GABRB1: variants seen among roughly 807,000 people sequenced by gnomAD.
GABRB1 encodes gamma-aminobutyric acid type A receptor subunit beta1.
GABRB1 carries 17 observed loss-of-function variants against 51.6 expected under a neutral mutation model. That is an observed-to-expected ratio of 0.33 (90% CI 0.23 to 0.49). The LOEUF is 0.49. GABRB1 is among the 20% of genes least tolerant of loss of function. The probability of loss-of-function intolerance (pLI) is 0.99; values close to 1 mark genes in which losing one functional copy is unlikely to be tolerated. For synonymous variants in GABRB1, 247 were observed against 218.9 expected (o/e 1.13, Z -1.14); for missense variants, 410 against 600.6 (o/e 0.68, Z 3.32).
intron 4 of GABRB1, among the ~76,000 whole-genome samples, chr4:47,190,109 A>AT (rs1227232200): frequency 6.6e-6 from 1 of 152,112 alleles, no homozygotes; most frequent in African/African-American, 2.4e-5. Context: ...TTGAATTCCT[A>AT]TTTTATCTGA....
At chr4:47,211,489 T>C (rs1469060023) in intron 4 of GABRB1, among the ~76,000 whole-genome samples, 1 of 152,172 alleles carries the variant, frequency 6.6e-6, no homozygotes, top group Non-Finnish European at 1.5e-5. Flanking sequence ...AACTAGGTAA[T>C]TGAGGACAGT....
intron 4 of GABRB1, among the ~76,000 whole-genome samples, chr4:47,312,601 A>C (rs1387052116): frequency 1.3e-5 from 2 of 152,304 alleles, no homozygotes; most frequent in East Asian, 3.9e-4. Context: ...ACTCACTCTC[A>C]ATTTCACCAA....
intron 8 of GABRB1, among the ~76,000 whole-genome samples, chr4:47,416,432 A>G (rs1276459041): frequency 6.6e-6 from 1 of 152,102 alleles, no homozygotes; most frequent in African/African-American, 2.4e-5. Context: ...CAGAAGATAT[A>G]AATAGACATC....
At chr4:47,115,531 T>C (rs1426031584) in intron 3 of GABRB1, among the ~76,000 whole-genome samples, 1 of 152,072 alleles carries the variant, frequency 6.6e-6, no homozygotes, top group Non-Finnish European at 1.5e-5. Context: ...ATTACTGTTG[T>C]TTAATGATAT....
At chr4:47,386,567 A>T (rs990262479) in intron 5 of GABRB1, among the ~76,000 whole-genome samples, 1 of 152,208 alleles carries the variant, frequency 6.6e-6, no homozygotes, top group African/African-American at 2.4e-5. Context: ...TGTACCTAAA[A>T]CATATGTACC....
At chr4:47,001,595 A>G (rs964761998) in intron 1 of GABRB1, among the ~76,000 whole-genome samples, 1 of 152,214 alleles carries the variant, frequency 6.6e-6, no homozygotes, top group African/African-American at 2.4e-5. Flanking sequence ...GACCTCCCAG[A>G]AGAGGGAATT....
At chr4:47,420,943 AACAC>A (rs71654875) in intron 8 of GABRB1, among the ~76,000 whole-genome samples, 2,188 of 141,046 alleles carry the variant, frequency 0.016, 22 homozygotes, top group Middle Eastern at 0.035. Context: ...TACACACACA[AACAC>A]ACACACACAC....
At chr4:46,995,812 A>C (rs889076855) in intron 1 of GABRB1, among the ~76,000 whole-genome samples, 2 of 152,352 alleles carry the variant, frequency 1.3e-5, no homozygotes, top group Admixed American at 1.3e-4. Context: ...CGTATCTTTA[A>C]AATTCAAACT....
intron 4 of GABRB1, among the ~76,000 whole-genome samples, chr4:47,170,393 ACACACACACGCACACACACACACACG>A (rs1381225650): frequency 4.6e-5 from 7 of 151,362 alleles, no homozygotes; most frequent in Admixed American, 1.3e-4. Flanking sequence ...ACACACACAC[ACACACACACGCACACACACACACACG>A]CACACACGCA....
At chr4:47,261,836 A>G (rs1722452495) in intron 4 of GABRB1, among the ~76,000 whole-genome samples, 1 of 152,238 alleles carries the variant, frequency 6.6e-6, no homozygotes, top group African/African-American at 2.4e-5. Flanking sequence ...TACTTTTACC[A>G]AAACAGAGAT....
rs543480016 is a variant in GABRB1 at position 47,332,725 on chromosome 4, GT to G, written c.544+12525del. On this transcript the variant is annotated intron_variant, in intron 5 of 8. Coordinates refer to ENST00000295454, the MANE Select transcript of GABRB1 (RefSeq NM_000812.4). ...CACTGCTCTAAGGTTGCCATGCATT[GT>G]TTTTTTTTCCTCTTCTCTTTTACTT... Among the ~76,000 whole-genome samples the G allele has an allele frequency of 7.6e-3, 1,145 of 150,526 alleles. 18 individuals are homozygous for G. The highest frequency in any genetic ancestry group is 0.026 in the African/African-American group (1,073 of 41,012).
At chr4:47,201,705 A>T (rs1028122805) in intron 4 of GABRB1, among the ~76,000 whole-genome samples, 1 of 152,196 alleles carries the variant, frequency 6.6e-6, no homozygotes, top group Admixed American at 6.6e-5. Flanking sequence ...TTTTAAATAT[A>T]TGAAATGTTT....
chr4:47,186,607 TA>T (rs1719192665), intron 4 of GABRB1, among the ~76,000 whole-genome samples: 2 of 151,844 alleles, frequency 1.3e-5, no homozygotes, highest in African/African-American at 4.8e-5. Context: ...TCTATACCTT[TA>T]AGTGTCCCCA....
At chr4:47,416,868 A>G (rs539597159) in intron 8 of GABRB1, among the ~76,000 whole-genome samples, 99 of 152,272 alleles carry the variant, frequency 6.5e-4, no homozygotes, top group Non-Finnish European at 1.1e-3. Flanking sequence ...ACATTTCTGG[A>G]AAGAGGAAGA....
chr4:47,295,969 A>C (rs534828587), intron 4 of GABRB1, among the ~76,000 whole-genome samples: 3,284 of 152,242 alleles, frequency 0.022, 36 homozygotes, highest in South Asian at 0.042. Flanking sequence ...TTCTTAAAGA[A>C]AAGAATTTTC....
intron 5 of GABRB1, among the ~76,000 whole-genome samples, chr4:47,394,308 C>T (rs1009289001): frequency 1.3e-5 from 2 of 152,190 alleles, no homozygotes; most frequent in Non-Finnish European, 2.9e-5. Context: ...CCTATTCAGG[C>T]TTTGATCTAT....
At chr4:47,240,195 T>A (rs1024119443) in intron 4 of GABRB1, among the ~76,000 whole-genome samples, 1 of 152,184 alleles carries the variant, frequency 6.6e-6, no homozygotes, top group African/African-American at 2.4e-5. Context: ...TGTAGACCAT[T>A]TTCAGATGCT....
intron 3 of GABRB1, among the ~76,000 whole-genome samples, chr4:47,149,597 A>T (rs1416176538): frequency 6.6e-6 from 1 of 152,002 alleles, no homozygotes; most frequent in African/African-American, 2.4e-5. Context: ...TTGATAGCTC[A>T]GTTTGTTTTC....
intron 3 of GABRB1, among the ~76,000 whole-genome samples, chr4:47,101,709 G>A (rs1714732542): frequency 6.6e-6 from 1 of 152,012 alleles, no homozygotes; most frequent in Non-Finnish European, 1.5e-5. Context: ...GAAAAGCCAT[G>A]CAGATGCCAT....
Sources: gnomAD v4.1 joint callset for allele counts (sites outside exome capture counted in the v4.1 genomes callset) on GRCh38, gnomAD v4.1.1 for gene constraint, MANE v1.5 for transcripts, NCBI Gene and HGNC (gene_info 2026-07-23, HGNC 2026-07-21) for gene names.